Variants in LRBA observed in about 807,000 individuals in gnomAD.
The protein encoded by LRBA is lipopolysaccharide-responsive and beige-like anchor protein.
A neutral mutation model predicts 330.0 loss-of-function variants in LRBA; 176 were observed. The ratio of observed to expected loss-of-function variants is 0.53; its 90% CI spans 0.47 to 0.60. The LOEUF is 0.60. LRBA is among the 20% of genes least tolerant of loss of function. The pLI, the probability that LRBA is intolerant of heterozygous loss-of-function variation, is 0.00. For missense variants in LRBA, 3,259 were observed against 3,444.8 expected (o/e 0.95, Z 1.35); for synonymous variants, 1,230 against 1,193.0 (o/e 1.03, Z -0.64).
At chr4:150,774,385 T>A (rs1736990288) in intron 34 of LRBA, among the ~76,000 whole-genome samples, 2 of 152,210 alleles carry the variant, frequency 1.3e-5, no homozygotes, top group South Asian at 4.1e-4. Flanking sequence ...TCCTTTTGTC[T>A]TCTTCGCTCC....
intron 37 of LRBA, among the ~76,000 whole-genome samples, chr4:150,649,300 T>A (rs1779490945): frequency 6.6e-6 from 1 of 152,156 alleles, no homozygotes; most frequent in Non-Finnish European, 1.5e-5. Flanking sequence ...ATATTTAAGA[T>A]CCTTGACAAT....
chr4:150,423,651 C>T (rs1440828757), intron 46 of LRBA: 8 of 271,556 alleles, frequency 2.9e-5, no homozygotes, highest in East Asian at 2.2e-4. Context: ...ATCCCAGCTC[C>T]GGGTGGGCAG....
At chr4:150,366,298 C>T (rs918935736) in intron 47 of LRBA, among the ~76,000 whole-genome samples, 2 of 152,044 alleles carry the variant, frequency 1.3e-5, no homozygotes, top group Admixed American at 6.5e-5. Flanking sequence ...GAATAAAGGA[C>T]ATAACTGTAT....
intron 28 of LRBA, among the ~76,000 whole-genome samples, chr4:150,836,885 T>G (rs1319357653): frequency 6.6e-6 from 1 of 152,212 alleles, no homozygotes; most frequent in African/African-American, 2.4e-5. Context: ...AATTGTGATG[T>G]TAGGGTGTCA....
intron 40 of LRBA, among the ~76,000 whole-genome samples, chr4:150,533,208 A>AG (rs1489877608): frequency 3.3e-5 from 5 of 152,114 alleles, no homozygotes; most frequent in African/African-American, 1.2e-4. Flanking sequence ...TTTTTGAGAC[A>AG]GGGTCTCAGT....
chr4:150,926,802 G>A (rs1000248402), intron 4 of LRBA, among the ~76,000 whole-genome samples: 17 of 152,186 alleles, frequency 1.1e-4, no homozygotes, highest in African/African-American at 3.6e-4. Context: ...ACCAGGCATG[G>A]TGGCTTATGC....
In LRBA at chr4:150,444,191, G is replaced by A. The variant is rs1008561682; in HGVS notation, c.6781-7327C>T. Among the ~76,000 whole-genome samples, 5 of 151,914 alleles carry A rather than the reference G, an allele frequency of 3.3e-5. No individual in the cohort carries two copies. In the South Asian group the frequency reaches 6.3e-4, roughly 19 times the overall value. ...AATGTGAACAAAAAAGGTAAATGTT[G>A]TCACCAAAGTTTATTGCCTTATCTT... On this transcript the variant is annotated intron_variant, in intron 44 of 56. Transcript: ENST00000651943.
intron 37 of LRBA, among the ~76,000 whole-genome samples, chr4:150,622,125 A>G (rs1776354608): frequency 2.0e-5 from 3 of 152,192 alleles, no homozygotes; most frequent in African/African-American, 7.2e-5. Flanking sequence ...GAAGGAAGGG[A>G]GGCAACATGT....
chr4:150,878,950 G>C (rs1728064425), intron 17 of LRBA, among the ~76,000 whole-genome samples: 1 of 148,736 alleles, frequency 6.7e-6, no homozygotes, highest in African/African-American at 2.5e-5. Context: ...ATACAAAGAA[G>C]AGGTGGTAGC....
intron 36 of LRBA, among the ~76,000 whole-genome samples, chr4:150,718,347 AT>A (rs1277136051): frequency 6.6e-6 from 1 of 152,156 alleles, no homozygotes; most frequent in Non-Finnish European, 1.5e-5. Context: ...AGATGACAAC[AT>A]CTTTTTTTGC....
intron 40 of LRBA, chr4:150,581,297 AAG>A (rs1771295197): frequency 2.3e-6 from 1 of 439,820 alleles, no homozygotes; most frequent in African/African-American, 2.0e-5. Context: ...AATTACTAAA[AAG>A]AGATTTATAA....
At chr4:150,746,044 A>G (rs1732673780) in intron 35 of LRBA, among the ~76,000 whole-genome samples, 2 of 152,362 alleles carry the variant, frequency 1.3e-5, no homozygotes, top group Admixed American at 6.5e-5. Context: ...TTTTCAGAAT[A>G]CATCACCACC....
At chr4:150,495,896 C>T (rs1340905690) in intron 40 of LRBA, among the ~76,000 whole-genome samples, 1 of 152,154 alleles carries the variant, frequency 6.6e-6, no homozygotes, top group Non-Finnish European at 1.5e-5. Context: ...AATCTTTACT[C>T]TCTTTGAATG....
intron 42 of LRBA, among the ~76,000 whole-genome samples, chr4:150,477,543 G>A (rs1756851776): frequency 6.6e-6 from 1 of 152,082 alleles, no homozygotes; most frequent in Non-Finnish European, 1.5e-5. Flanking sequence ...CTGCCTCCAT[G>A]ATCCAATCAG....
intron 34 of LRBA, among the ~76,000 whole-genome samples, chr4:150,794,094 G>A (rs1191250047): frequency 6.6e-6 from 1 of 152,154 alleles, no homozygotes; most frequent in Admixed American, 6.5e-5. Flanking sequence ...GCTAACAAAA[G>A]TCACCAAGTT....
At position 150,683,620 on chromosome 4, in the gene LRBA, G is replaced by A. The variant is rs1203004136; in HGVS notation, c.5852C>T (p.Thr1951Ile). ...AAKYRDHVTA[T>I]QLIQKIINIL... ...GTTGATAATTTTCTGGATTAGTTGAGTTGCTGTCACGTGGTCACGATATTT... is the reference window on the plus strand; with the variant it reads ...GTTGATAATTTTCTGGATTAGTTGAATTGCTGTCACGTGGTCACGATATTT... The change falls in exon 37 of 57, where the codon ACT (threonine) becomes ATT (isoleucine). Residue 1951 changes from threonine to isoleucine, a missense_variant. Thr to Ile is a moderately conservative substitution (Grantham distance 89, BLOSUM62 -1). Transcript: ENST00000651943. The A allele has an allele frequency of 1.2e-6, 2 of 1,613,350 alleles. No homozygotes were observed. Among genetic ancestry groups the A allele is most frequent in the East Asian group, 2.2e-5 (1 of 44,882 alleles).
At chr4:150,940,064 T>A (rs1241186332) in intron 2 of LRBA, among the ~76,000 whole-genome samples, 2 of 151,474 alleles carry the variant, frequency 1.3e-5, no homozygotes, top group Non-Finnish European at 2.9e-5. Flanking sequence ...TATACGTAGA[T>A]AATAAACTTA....
intron 40 of LRBA, among the ~76,000 whole-genome samples, chr4:150,511,314 T>C (rs1421534973): frequency 6.6e-6 from 1 of 152,228 alleles, no homozygotes; most frequent in African/African-American, 2.4e-5. Flanking sequence ...TCACTCCTTT[T>C]GACCCTCACT....
intron 39 of LRBA, among the ~76,000 whole-genome samples, chr4:150,589,032 T>G (rs1561394510): frequency 7.3e-6 from 1 of 136,970 alleles, no homozygotes; most frequent in South Asian, 2.2e-4. Context: ...GTTATGTCTG[T>G]GTGTGTATAC....
Sources: gnomAD v4.1 joint callset for allele counts (sites outside exome capture counted in the v4.1 genomes callset) on GRCh38, gnomAD v4.1.1 for gene constraint, MANE v1.5 for transcripts, NCBI Gene and HGNC (gene_info 2026-07-23, HGNC 2026-07-21) for gene names.